RSF1: variants seen among roughly 807,000 people sequenced by gnomAD.
RSF1 encodes HBV pX-associated protein 8.
In RSF1, 13 loss-of-function variants were observed where a neutral mutation model predicts 145.2. The observed-to-expected ratio is 0.09, with a 90% CI of 0.06 to 0.14. RSF1 has a LOEUF of 0.14. RSF1 is among the 10% of genes least tolerant of loss of function. The pLI, the probability that RSF1 is intolerant of heterozygous loss-of-function variation, is 1.00. For synonymous variants in RSF1, 577 were observed against 592.6 expected (o/e 0.97, Z 0.38); for missense variants, 1,517 against 1,718.2 (o/e 0.88, Z 2.07).
chr11:77,722,562 C>T (rs772709157), intron 5 of RSF1, among the ~76,000 whole-genome samples: 2 of 152,126 alleles, frequency 1.3e-5, no homozygotes, highest in Non-Finnish European at 2.9e-5. Context: ...ACTTTAAGAG[C>T]ATAGGGTATA....
At chr11:77,766,318 A>G (rs1348604797) in intron 1 of RSF1, among the ~76,000 whole-genome samples, 1 of 152,192 alleles carries the variant, frequency 6.6e-6, no homozygotes, top group Non-Finnish European at 1.5e-5. Context: ...ATGATGACCT[A>G]ATATTTTTCA....
chr11:77,802,199 G>C (rs534686280), intron 1 of RSF1, among the ~76,000 whole-genome samples: 1 of 152,192 alleles, frequency 6.6e-6, no homozygotes, highest in African/African-American at 2.4e-5. Flanking sequence ...GTTTCCCTGA[G>C]TTTTGTGAGC....
At chr11:77,853,900 C>A in the RSF1 span, among the ~76,000 whole-genome samples, 1 of 151,800 alleles carries the variant, frequency 6.6e-6, no homozygotes, top group African/African-American at 2.4e-5. Flanking sequence ...GAGATTGCAC[C>A]ACTGTACTCC....
chr11:77,669,534 G>A (rs1213495514), intron 15 of RSF1, among the ~76,000 whole-genome samples: 1 of 152,140 alleles, frequency 6.6e-6, no homozygotes, highest in African/African-American at 2.4e-5. Context: ...CTAGTCACAT[G>A]TGGTTATTTT....
chr11:77,776,841 T>C (rs971575580), intron 1 of RSF1, among the ~76,000 whole-genome samples: 9 of 152,206 alleles, frequency 5.9e-5, no homozygotes, highest in African/African-American at 2.2e-4. Flanking sequence ...CTAAAGGAAC[T>C]GTTTTCTCTA....
At chr11:77,842,002 G>A in the RSF1 span, among the ~76,000 whole-genome samples, 5 of 152,006 alleles carry the variant, frequency 3.3e-5, no homozygotes, top group East Asian at 9.6e-4. Context: ...GTGGAATGGG[G>A]GTTGTTCCAG....
intron 4 of RSF1, 70 bp from the exon 5 acceptor site, chr11:77,725,769 C>A: frequency 8.4e-7 from 1 of 1,187,780 alleles, no homozygotes; most frequent in Non-Finnish European, 1.1e-6. Context: ...TGAATAATAC[C>A]AATAGAAATT....
chr11:77,739,481 T>C (rs1961454166), intron 4 of RSF1: 1 of 152,166 alleles, frequency 6.6e-6, no homozygotes, highest in Non-Finnish European at 1.5e-5. Flanking sequence ...AGCAAATTAA[T>C]TACAAGGAAA....
chr11:77,803,036 T>C (rs986287970), intron 1 of RSF1, among the ~76,000 whole-genome samples: 2 of 151,952 alleles, frequency 1.3e-5, no homozygotes, highest in Non-Finnish European at 2.9e-5. Flanking sequence ...TATGAACAAA[T>C]GGGACGGGAT....
chr11:77,837,545 C>G, the RSF1 span, among the ~76,000 whole-genome samples: 2 of 152,126 alleles, frequency 1.3e-5, no homozygotes, highest in Non-Finnish European at 2.9e-5. Flanking sequence ...ACCTCCACCT[C>G]CTGCCTCAGC....
At chr11:77,696,389 A>G (rs1015513869) in intron 7 of RSF1, among the ~76,000 whole-genome samples, 1 of 152,208 alleles carries the variant, frequency 6.6e-6, no homozygotes, top group African/African-American at 2.4e-5. Context: ...CTCAATTAAG[A>G]CAAGGACCAT....
chr11:77,712,275 T>G (rs1960706384), intron 5 of RSF1, among the ~76,000 whole-genome samples: 3 of 152,230 alleles, frequency 2.0e-5, no homozygotes, highest in Admixed American at 2.0e-4. Flanking sequence ...GGAGTTCCCC[T>G]GCACAAGCTC....
intron 1 of RSF1, among the ~76,000 whole-genome samples, chr11:77,804,657 T>C (rs1005843957): frequency 1.3e-5 from 2 of 151,992 alleles, no homozygotes; most frequent in Non-Finnish European, 2.9e-5. Context: ...GGAAACACAG[T>C]GAGACTCCAT....
At chr11:77,771,416 T>G (rs1468408811) in intron 1 of RSF1, among the ~76,000 whole-genome samples, 1 of 152,082 alleles carries the variant, frequency 6.6e-6, no homozygotes, top group Non-Finnish European at 1.5e-5. Flanking sequence ...AGGAAATGCA[T>G]GTATGAAAGT....
intron 5 of RSF1, among the ~76,000 whole-genome samples, chr11:77,721,239 C>G (rs1024055665): frequency 6.6e-6 from 1 of 152,154 alleles, no homozygotes; most frequent in South Asian, 2.1e-4. Context: ...GTTAGACATT[C>G]CCCAGGACTG....
chr11:77,741,833 A>G lies in RSF1; in HGVS notation c.373-897T>C, dbSNP rs546255354. 2.0e-3 allele frequency among the ~76,000 whole-genome samples: 310 copies of G among 152,258 alleles called. 1 individual carries two copies. Among genetic ancestry groups the G allele is most frequent in the Non-Finnish European group, 3.7e-3 (252 of 68,010 alleles). On this transcript the variant is annotated intron_variant, in intron 3 of 15. Coordinates refer to ENST00000308488, the MANE Select transcript of RSF1 (RefSeq NM_016578.4). ...GTCTGACTTTTTGTAGCTTGGGCCA[A>G]TATCTCCCCAGTCTACCCTCACCTC...
the RSF1 span, chr11:77,855,465 G>A: frequency 5.1e-6 from 1 of 194,234 alleles, no homozygotes; most frequent in South Asian, 8.0e-5. Flanking sequence ...GACTACAGGT[G>A]CCTGCCACCA....
intron 1 of RSF1, among the ~76,000 whole-genome samples, chr11:77,799,386 T>C (rs1225957407): frequency 2.0e-5 from 3 of 151,012 alleles, no homozygotes; most frequent in Middle Eastern, 3.4e-3. Context: ...CATGTGCCTA[T>C]AGCCCCAGCT....
chr11:77,829,982 A>G, the RSF1 span: 5 of 152,296 alleles, frequency 3.3e-5, no homozygotes, highest in African/African-American at 1.2e-4. Flanking sequence ...ATTCTTTTTT[A>G]TAGCCAGACA....
Sources: gnomAD v4.1 joint callset for allele counts (sites outside exome capture counted in the v4.1 genomes callset) on GRCh38, gnomAD v4.1.1 for gene constraint, MANE v1.5 for transcripts, NCBI Gene and HGNC (gene_info 2026-07-23, HGNC 2026-07-21) for gene names.